Variants in ABTB2 observed in about 807,000 individuals in gnomAD.
The protein encoded by ABTB2 is ankyrin repeat and BTB domain containing 2.
In ABTB2, 56 loss-of-function variants were observed where a neutral mutation model predicts 104.1. That is an observed-to-expected ratio of 0.54 (90% CI 0.43 to 0.67). ABTB2 has a LOEUF of 0.67. Among genes scored for constraint, ABTB2 ranks in the 30% least tolerant of loss-of-function variants. The pLI, the probability that ABTB2 is intolerant of heterozygous loss-of-function variation, is 0.00. For synonymous variants in ABTB2, 606 were observed against 608.2 expected, an observed-to-expected ratio of 1.00 and a Z score of 0.05; for missense variants, 1,279 against 1,407.7, an observed-to-expected ratio of 0.91 and a Z score of 1.46.
At position 34,222,533 on chromosome 11, in the gene ABTB2, AG is replaced by A. The variant is rs1216614596; in HGVS notation, c.884-17844del. Among the ~76,000 whole-genome samples, 3 of 152,320 alleles carry A rather than the reference AG, an allele frequency of 2.0e-5. No homozygotes were observed. The East Asian group carries it at 5.8e-4, about 29-fold the overall frequency. On this transcript the variant is annotated intron_variant, in intron 1 of 16. Transcript: ENST00000435224. ...CCTCCTCCTCCACCTGGAGCCCTGT[AG>A]AAAGAGGTTACCTTAACAGGCCTCA... is the stretch of plus-strand genomic sequence containing the variant.
At chr11:34,271,688 G>A (rs1165525390) in intron 1 of ABTB2, among the ~76,000 whole-genome samples, 1 of 152,182 alleles carries the variant, frequency 6.6e-6, no homozygotes, top group Non-Finnish European at 1.5e-5. Flanking sequence ...AGCTGTGATT[G>A]TGCCACTGCA....
intron 1 of ABTB2, among the ~76,000 whole-genome samples, chr11:34,260,923 G>GCCAGGAGCTCAAGA (rs58132270): frequency 6.6e-6 from 1 of 151,930 alleles, no homozygotes; most frequent in African/African-American, 2.4e-5. Flanking sequence ...CTCACCTGAG[G>GCCAGGAGCTCAAGA]CCAGCATGGC....
chr11:34,213,191 G>C (rs1254687906), intron 1 of ABTB2, among the ~76,000 whole-genome samples: 1 of 152,112 alleles, frequency 6.6e-6, no homozygotes, highest in Non-Finnish European at 1.5e-5. Flanking sequence ...AAACTCGACA[G>C]CCCTGACCAG....
chr11:34,220,087 T>C (rs1853600189), intron 1 of ABTB2, among the ~76,000 whole-genome samples: 1 of 152,206 alleles, frequency 6.6e-6, no homozygotes, highest in Non-Finnish European at 1.5e-5. Context: ...GGAGGAGGTA[T>C]AGGGAAGGAA....
At chr11:34,208,687 C>T (rs1462686777) in intron 1 of ABTB2, among the ~76,000 whole-genome samples, 2 of 152,040 alleles carry the variant, frequency 1.3e-5, no homozygotes, top group African/African-American at 4.8e-5. Context: ...AAAGCCTCCA[C>T]CTCCTCTTCC....
At chr11:34,342,044 AG>A (rs1855267195) in intron 1 of ABTB2, among the ~76,000 whole-genome samples, 1 of 152,214 alleles carries the variant, frequency 6.6e-6, no homozygotes, top group African/African-American at 2.4e-5. Flanking sequence ...AAAAGCCAGA[AG>A]GGTAAACAAG....
intron 1 of ABTB2, among the ~76,000 whole-genome samples, chr11:34,299,646 T>C (rs2755145): frequency 0.81 from 122,719 of 152,214 alleles, 50,092 homozygotes; most frequent in African/African-American, 0.93. Flanking sequence ...GGAGGACGGA[T>C]TTTTTCATTT....
chr11:34,247,295 G>T (rs371748248), intron 1 of ABTB2, among the ~76,000 whole-genome samples: 11 of 152,318 alleles, frequency 7.2e-5, no homozygotes, highest in African/African-American at 2.4e-4. Context: ...AGGAATGCTG[G>T]AGACAGCTGG....
At chr11:34,354,467 A>C (rs1214815645) in intron 1 of ABTB2, among the ~76,000 whole-genome samples, 16 of 145,702 alleles carry the variant, frequency 1.1e-4, no homozygotes, top group Admixed American at 1.1e-3. Flanking sequence ...CTATTTAAAA[A>C]AACAAAAGGT....
chr11:34,154,334 C>A lies in ABTB2; in HGVS notation c.2811G>T (p.Arg937Ser). Residue 937 changes from arginine to serine, a missense_variant, in exon 16 of 17, where the codon AGG becomes AGT. Physicochemically the swap from Arg to Ser is moderately radical, Grantham distance 110 (BLOSUM62 -1). Coordinates refer to ENST00000435224, the MANE Select transcript of ABTB2 (RefSeq NM_145804.3). The surrounding 1 kb of genome is among the most constrained non-coding windows in gnomAD (Gnocchi z 4.9). ...ASLFQLDALQ[R>S]HCEILCSQTL... ...TCTGGGAGCACAGGATCTCGCAGTG[C>A]CTCTGCAGGGCATCCAGCTGGAACA... The A allele has an allele frequency of 6.2e-7, 1 of 1,613,984 alleles. No homozygotes were observed. The highest frequency in any genetic ancestry group is 8.5e-7 in the Non-Finnish European group (1 of 1,179,976).
intron 1 of ABTB2, among the ~76,000 whole-genome samples, chr11:34,246,408 C>A (rs1353107766): frequency 1.3e-5 from 2 of 151,958 alleles, no homozygotes; most frequent in Non-Finnish European, 2.9e-5. Context: ...TCGAGACCAG[C>A]CTGACCAACA....
At chr11:34,178,528 T>C (rs1244613859) in intron 3 of ABTB2, among the ~76,000 whole-genome samples, 1 of 152,242 alleles carries the variant, frequency 6.6e-6, no homozygotes, top group Non-Finnish European at 1.5e-5. Flanking sequence ...AGGCTGAGAA[T>C]GACTGATGTG....
At position 34,356,729 on chromosome 11, in the gene ABTB2, C is replaced by T; in HGVS notation, c.855G>A (p.Glu285=). 2 of 1,607,270 alleles carry T rather than the reference C, an allele frequency of 1.2e-6. No individual in the cohort carries two copies. Among genetic ancestry groups the T allele is most frequent in the Non-Finnish European group, 8.5e-7 (1 of 1,175,558 alleles). The stretch of plus-strand genomic sequence containing the variant: ...TGGCGTTCTTGCCGCAGATGAGATG[C>T]TCATAGGGCTGCAAGACGCCCCAGA... ...AELWGVLQPY[E]HLICGKNANG... The change falls in exon 1 of 17, where the codon GAG becomes GAA. Residue 285 remains glutamate, a synonymous_variant. Transcript: ENST00000435224. This position sits in a 1 kb window ranked among gnomAD's most constrained non-coding sequence, Gnocchi z 4.6.
intron 1 of ABTB2, among the ~76,000 whole-genome samples, chr11:34,228,552 T>A (rs7941795): frequency 0.61 from 91,702 of 151,266 alleles, 28,044 homozygotes; most frequent in Non-Finnish European, 0.66. Context: ...ACCTAGATAA[T>A]TTTTATATTT....
intron 1 of ABTB2, among the ~76,000 whole-genome samples, chr11:34,336,464 GATCTT>G (rs1346102802): frequency 3.3e-5 from 5 of 152,054 alleles, no homozygotes; most frequent in Admixed American, 3.3e-4. Flanking sequence ...AACATAGTGA[GATCTT>G]ATCTCTATAA....
intron 8 of ABTB2, 146 bp downstream of exon 8, chr11:34,165,114 C>T (rs920545312): frequency 6.2e-5 from 50 of 802,356 alleles, no homozygotes; most frequent in Non-Finnish European, 8.5e-5. Context: ...GGGGAAGCCC[C>T]CAGTGGTCCA....
intron 1 of ABTB2, among the ~76,000 whole-genome samples, chr11:34,285,354 T>C (rs543355709): frequency 1.3e-5 from 2 of 152,228 alleles, no homozygotes; most frequent in East Asian, 1.9e-4. Context: ...TTCATCATTA[T>C]ATAGCAGGAC....
Position 34,283,802 on chromosome 11 carries a change from A to G in ABTB2, c.883+72899T>C, listed in dbSNP as rs145731085. On this transcript the variant is annotated intron_variant, in intron 1 of 16. Transcript: ENST00000435224. Reference sequence around the variant, plus strand: ...CACAGCTGCCAGGAAACTTAGTCCCAGGGGCCACATTTGGTTCCTTACTCT... The same window carrying G: ...CACAGCTGCCAGGAAACTTAGTCCCGGGGGCCACATTTGGTTCCTTACTCT... 6.0e-3 allele frequency among the ~76,000 whole-genome samples: 912 copies of G among 152,350 alleles called. 8 individuals carry two copies. Among genetic ancestry groups the G allele is most frequent in the African/African-American group, 0.021 (878 of 41,586 alleles).
At chr11:34,318,458 G>C (rs1854966308) in intron 1 of ABTB2, among the ~76,000 whole-genome samples, 1 of 152,092 alleles carries the variant, frequency 6.6e-6, no homozygotes, top group Non-Finnish European at 1.5e-5. Context: ...TATTTTAAAG[G>C]CAACCCAGAG....
Sources: gnomAD v4.1 joint callset for allele counts (sites outside exome capture counted in the v4.1 genomes callset) on GRCh38, gnomAD v4.1.1 for gene constraint, Gnocchi (gnomAD v3.1) non-coding constraint, MANE v1.5 for transcripts, NCBI Gene and HGNC (gene_info 2026-07-23, HGNC 2026-07-21) for gene names.